Variants in HS2ST1 observed in about 807,000 individuals in gnomAD.
HS2ST1 encodes the protein 2-O-sulfotransferase.
Under a neutral mutation model 42.9 loss-of-function variants are expected in HS2ST1, and 18 were observed. That is an observed-to-expected ratio of 0.42 (90% confidence interval 0.29 to 0.62). HS2ST1 has a LOEUF of 0.62. HS2ST1 is among the 20% of genes least tolerant of loss of function. HS2ST1 has a pLI of 0.21. For missense variants in HS2ST1, 334 were observed against 433.8 expected, an observed-to-expected ratio of 0.77 and a Z score of 2.04; for synonymous variants, 146 against 152.9, an observed-to-expected ratio of 0.95 and a Z score of 0.33.
At chr1:87,069,466 A>G (rs1282268983) in intron 1 of HS2ST1, among the ~76,000 whole-genome samples, 1 of 152,242 alleles carries the variant, frequency 6.6e-6, no homozygotes, top group Non-Finnish European at 1.5e-5. Context: ...ATACTTACTT[A>G]GTAAATAAAG....
Position 86,995,662 on chromosome 1 carries a change from TCTTTCA to T in HS2ST1, c.125-77271_125-77266del, listed in dbSNP as rs560144613. 1.1e-4 allele frequency among the ~76,000 whole-genome samples: 16 copies of T among 152,312 alleles called. No individual in the cohort carries two copies. The South Asian group carries it at 3.3e-3, about 32-fold the overall frequency. ...GATCTTCTTTATTGACTTAATGCAT[TCTTTCA>T]ATATCTATAGGAAGTTATGTCAGTA... On this transcript the variant is annotated intron_variant, in intron 1 of 6. Coordinates refer to ENST00000370550, the MANE Select transcript of HS2ST1 (RefSeq NM_012262.4).
intron 1 of HS2ST1, among the ~76,000 whole-genome samples, chr1:87,041,491 A>G (rs1181418492): frequency 1.3e-5 from 2 of 152,164 alleles, no homozygotes; most frequent in African/African-American, 2.4e-5. Context: ...TTTTAAGTGT[A>G]TAGGACATTA....
At chr1:87,072,577 CTG>C (rs1396320269) in intron 1 of HS2ST1, among the ~76,000 whole-genome samples, 2 of 152,170 alleles carry the variant, frequency 1.3e-5, no homozygotes, top group African/African-American at 2.4e-5. Flanking sequence ...CTGAAGTACT[CTG>C]TGGTCTGTGC....
chr1:87,046,928 G>A (rs779621868), intron 1 of HS2ST1, among the ~76,000 whole-genome samples: 9 of 150,186 alleles, frequency 6.0e-5, no homozygotes, highest in Non-Finnish European at 1.2e-4. Context: ...GGCTGGTCTC[G>A]AACTCCTGAC....
At chr1:86,929,846 C>G (rs776664485) in intron 1 of HS2ST1, among the ~76,000 whole-genome samples, 1 of 151,758 alleles carries the variant, frequency 6.6e-6, no homozygotes, top group South Asian at 2.1e-4. Flanking sequence ...TGTTCTGTAT[C>G]CTTTATTTAA....
intron 4 of HS2ST1, among the ~76,000 whole-genome samples, chr1:87,095,771 A>G (rs1344379566): frequency 6.6e-6 from 1 of 152,092 alleles, no homozygotes; most frequent in African/African-American, 2.4e-5. Flanking sequence ...ATTGATATTT[A>G]CCAATATCAG....
intron 1 of HS2ST1, among the ~76,000 whole-genome samples, chr1:86,985,368 G>GTATATATATGTATATA (rs71082051): frequency 0.052 from 1,392 of 26,584 alleles, 413 homozygotes; most frequent in East Asian, 0.1. Flanking sequence ...AAAAAAAAAA[G>GTATATATATGTATATA]TATATATATA....
chr1:86,957,497 C>G lies in HS2ST1; in HGVS notation c.124+42337C>G, dbSNP rs1038978916. On this transcript the variant is annotated intron_variant, in intron 1 of 6. Transcript: ENST00000370550. The stretch of plus-strand genomic sequence containing the variant: ...TCCTAAGACTGAATTGCTAAGGTCT[C>G]TGCTCTTTTATTTTACTTCTCTTTT... 2.6e-5 allele frequency among the ~76,000 whole-genome samples: 4 copies of G among 152,180 alleles called. 1 individual carries two copies. Among genetic ancestry groups the G allele is most frequent in the African/African-American group, 9.6e-5 (4 of 41,460 alleles).
intron 1 of HS2ST1, among the ~76,000 whole-genome samples, chr1:86,924,802 G>T (rs952295009): frequency 1.3e-5 from 2 of 152,150 alleles, no homozygotes; most frequent in East Asian, 3.9e-4. Context: ...GGCCTGTGAT[G>T]GGGGGGCACT....
intron 3 of HS2ST1, among the ~76,000 whole-genome samples, chr1:87,090,665 T>G (rs1778014): frequency 0.98 from 149,636 of 152,012 alleles, 73,695 homozygotes; most frequent in Middle Eastern, 1. Context: ...GTAATTCTCT[T>G]TTTAAATCTT....
At chr1:86,967,793 CT>C (rs1280946622) in intron 1 of HS2ST1, among the ~76,000 whole-genome samples, 5 of 152,176 alleles carry the variant, frequency 3.3e-5, no homozygotes, top group African/African-American at 1.2e-4. Flanking sequence ...ATAATGACTT[CT>C]TTTCCTTTAG....
At chr1:86,927,249 T>G (rs1337744405) in intron 1 of HS2ST1, among the ~76,000 whole-genome samples, 2 of 152,190 alleles carry the variant, frequency 1.3e-5, no homozygotes, top group Non-Finnish European at 2.9e-5. Context: ...GTATAGAAAA[T>G]GCATATAGTT....
At chr1:87,074,791 A>G (rs1183854010) in intron 2 of HS2ST1, among the ~76,000 whole-genome samples, 1 of 152,208 alleles carries the variant, frequency 6.6e-6, no homozygotes, top group African/African-American at 2.4e-5. Flanking sequence ...GGCAGCGCAG[A>G]AGAATAGTCT....
rs935205497 is a variant in HS2ST1 at position 87,107,374 on chromosome 1, A to C, written c.*2678A>C. On this transcript the variant is annotated 3_prime_UTR_variant, in exon 7 of 7. Coordinates refer to ENST00000370550, the MANE Select transcript of HS2ST1 (RefSeq NM_012262.4). The stretch of plus-strand genomic sequence containing the variant: ...TTATCATATTTTAGGGTGGGTTAGG[A>C]GTATCCTTTCTGGAGACTGAGAAAG... 56 of 151,980 alleles carry C rather than the reference A, an allele frequency of 3.7e-4. No homozygotes were observed. Among genetic ancestry groups the C allele is most frequent in the African/African-American group, 1.2e-3 (51 of 41,422 alleles). 9.4% of individuals were successfully genotyped at this position (151,980 alleles called of 1,614,324 possible). A position where few individuals can be genotyped will look rare whatever the true frequency, so the allele number is the denominator to read the frequency against.
At chr1:87,025,705 A>G (rs1400427181) in intron 1 of HS2ST1, among the ~76,000 whole-genome samples, 1 of 152,218 alleles carries the variant, frequency 6.6e-6, no homozygotes, top group Non-Finnish European at 1.5e-5. Context: ...TGAGTTCACT[A>G]AGAATTCCAC....
At chr1:86,934,282 A>G (rs1307976256) in intron 1 of HS2ST1, 1 of 152,138 alleles carries the variant, frequency 6.6e-6, no homozygotes, top group Admixed American at 6.5e-5. Flanking sequence ...TCGCTGGGCA[A>G]TTTCAGAATG....
At chr1:87,023,510 A>G (rs1650005022) in intron 1 of HS2ST1, among the ~76,000 whole-genome samples, 1 of 151,958 alleles carries the variant, frequency 6.6e-6, no homozygotes, top group Non-Finnish European at 1.5e-5. Context: ...ATAACATGCT[A>G]TCACTGGCAC....
At chr1:86,982,155 A>G (rs976599140) in intron 1 of HS2ST1, among the ~76,000 whole-genome samples, 17 of 152,236 alleles carry the variant, frequency 1.1e-4, no homozygotes, top group African/African-American at 4.1e-4. Flanking sequence ...GAGCTGGAGC[A>G]GCTGGAATGC....
chr1:86,962,859 T>C (rs547881651), intron 1 of HS2ST1, among the ~76,000 whole-genome samples: 6 of 152,332 alleles, frequency 3.9e-5, no homozygotes, highest in African/African-American at 7.2e-5. Flanking sequence ...CTAAAAGATA[T>C]GAAGTCATAT....
Sources: gnomAD v4.1 joint callset for allele counts (sites outside exome capture counted in the v4.1 genomes callset) on GRCh38, gnomAD v4.1.1 for gene constraint, MANE v1.5 for transcripts, NCBI Gene and HGNC (gene_info 2026-07-23, HGNC 2026-07-21) for gene names.